The following PLCB1 variants were observed in gnomAD, a reference collection of about 807,000 sequenced individuals.
The protein encoded by PLCB1 is 1-phosphatidylinositol 4,5-bisphosphate phosphodiesterase beta-1.
Under a neutral mutation model 161.8 loss-of-function variants are expected in PLCB1, and 46 were observed. That is an observed-to-expected ratio of 0.28 (90% confidence interval 0.22 to 0.36). The LOEUF is 0.36. Ranked by LOEUF, PLCB1 falls within the 10% of genes least tolerant of loss-of-function variation. The pLI, the probability that PLCB1 is intolerant of heterozygous loss-of-function variation, is 1.00. For missense variants in PLCB1, 1,016 were observed against 1,472.5 expected, an observed-to-expected ratio of 0.69 and a Z score of 5.07; for synonymous variants, 517 against 503.7, an observed-to-expected ratio of 1.03 and a Z score of -0.35.
chr20:8,532,404 C>T (rs966104097), intron 3 of PLCB1, among the ~76,000 whole-genome samples: 7 of 152,164 alleles, frequency 4.6e-5, no homozygotes, highest in Non-Finnish European at 8.8e-5. Flanking sequence ...TTTATGCCAC[C>T]TGGCCTGCAT....
chr20:8,313,421 G>A (rs901649960), intron 2 of PLCB1, among the ~76,000 whole-genome samples: 1 of 152,092 alleles, frequency 6.6e-6, no homozygotes, highest in Non-Finnish European at 1.5e-5. Context: ...AAAGATGAGA[G>A]CAAGCAAGGC....
intron 3 of PLCB1, among the ~76,000 whole-genome samples, chr20:8,442,129 T>C (rs1372005678): frequency 6.6e-6 from 1 of 152,200 alleles, no homozygotes; most frequent in Non-Finnish European, 1.5e-5. Context: ...TTTTTCCTTA[T>C]TTTTATTTTG....
At chr20:8,317,478 T>A (rs1984710613) in intron 2 of PLCB1, among the ~76,000 whole-genome samples, 2 of 152,082 alleles carry the variant, frequency 1.3e-5, no homozygotes, top group African/African-American at 4.8e-5. Flanking sequence ...TGGCACAAGC[T>A]AGTACTCAGC....
chr20:8,603,045 G>T (rs1449066963), intron 3 of PLCB1, among the ~76,000 whole-genome samples: 1 of 152,106 alleles, frequency 6.6e-6, no homozygotes, highest in Non-Finnish European at 1.5e-5. Flanking sequence ...ACAGCAGGAT[G>T]ATTTGCATTA....
chr20:8,181,016 C>T (rs972050345), intron 2 of PLCB1, among the ~76,000 whole-genome samples: 16 of 150,604 alleles, frequency 1.1e-4, no homozygotes, highest in Non-Finnish European at 5.9e-5. Context: ...ATTGGGAGGC[C>T]GAGAGAGGCG....
chr20:8,680,568 T>C (rs1990187134), intron 9 of PLCB1, among the ~76,000 whole-genome samples: 1 of 152,182 alleles, frequency 6.6e-6, no homozygotes, highest in Non-Finnish European at 1.5e-5. Flanking sequence ...TGATCCCTGG[T>C]TCACAGTTAC....
chr20:8,481,757 A>C (rs975912248), intron 3 of PLCB1, among the ~76,000 whole-genome samples: 2 of 152,124 alleles, frequency 1.3e-5, no homozygotes, highest in African/African-American at 2.4e-5. Context: ...GCTGACCATC[A>C]TGGAGTAAGC....
At chr20:8,822,686 T>C (rs1007626597) in intron 31 of PLCB1, among the ~76,000 whole-genome samples, 12 of 152,192 alleles carry the variant, frequency 7.9e-5, no homozygotes, top group African/African-American at 1.2e-4. Flanking sequence ...GGTTAAACAA[T>C]AGTCCCTCAT....
intron 31 of PLCB1, among the ~76,000 whole-genome samples, chr20:8,796,460 T>C (rs956598881): frequency 1.3e-5 from 2 of 152,210 alleles, no homozygotes; most frequent in African/African-American, 4.8e-5. Context: ...TCTAATCTTT[T>C]GCGGCTTGAT....
At chr20:8,143,067 A>G (rs2051419981) in intron 1 of PLCB1, among the ~76,000 whole-genome samples, 1 of 152,172 alleles carries the variant, frequency 6.6e-6, no homozygotes, top group African/African-American at 2.4e-5. Flanking sequence ...CCCTCAGTTG[A>G]AGCTTTCCTA....
At chr20:8,155,175 T>C (rs2123040238) in intron 2 of PLCB1, among the ~76,000 whole-genome samples, 1 of 152,332 alleles carries the variant, frequency 6.6e-6, no homozygotes, top group African/African-American at 2.4e-5. Context: ...TTCATTCTTA[T>C]CTCATTTATT....
At chr20:8,376,720 A>G (rs921685257) in intron 3 of PLCB1, among the ~76,000 whole-genome samples, 3 of 152,100 alleles carry the variant, frequency 2.0e-5, no homozygotes, top group African/African-American at 7.2e-5. Context: ...CGAGGTCAGG[A>G]GATCGAGACC....
intron 3 of PLCB1, among the ~76,000 whole-genome samples, chr20:8,517,489 C>T (rs1042073842): frequency 8.5e-5 from 13 of 152,108 alleles, no homozygotes; most frequent in Admixed American, 7.9e-4. Context: ...ATATGATAAC[C>T]TCATAGCCCA....
At chr20:8,842,416 G>A (rs1376134826) in intron 31 of PLCB1, among the ~76,000 whole-genome samples, 1 of 152,114 alleles carries the variant, frequency 6.6e-6, no homozygotes, top group African/African-American at 2.4e-5. Flanking sequence ...GTGCTTCATG[G>A]CAATGCAAAA....
intron 2 of PLCB1, among the ~76,000 whole-genome samples, chr20:8,295,704 A>G (rs564263010): frequency 1.3e-5 from 2 of 151,980 alleles, no homozygotes; most frequent in South Asian, 4.2e-4. Context: ...CTCTATATAT[A>G]TATCCTCTTT....
At chr20:8,189,244 T>C (rs6055620) in intron 2 of PLCB1, among the ~76,000 whole-genome samples, 46,441 of 151,068 alleles carry the variant, frequency 0.31, 9,158 homozygotes, top group African/African-American at 0.56. Flanking sequence ...TATAGCTGCT[T>C]TTGCCATTGG....
At chr20:8,560,076 TTTA>T (rs1165987958) in intron 3 of PLCB1, among the ~76,000 whole-genome samples, 1 of 152,026 alleles carries the variant, frequency 6.6e-6, no homozygotes, top group Non-Finnish European at 1.5e-5. Flanking sequence ...CAAATTTTAG[TTTA>T]TATGAGAATC....
At chr20:8,868,393 A>G (rs762522251) in intron 31 of PLCB1, among the ~76,000 whole-genome samples, 1 of 152,214 alleles carries the variant, frequency 6.6e-6, no homozygotes, top group Admixed American at 6.5e-5. Flanking sequence ...ACCCTGGGCC[A>G]TGGGACCCCT....
intron 3 of PLCB1, among the ~76,000 whole-genome samples, chr20:8,445,516 A>C (rs1302521418): frequency 6.6e-6 from 1 of 151,536 alleles, no homozygotes; most frequent in Non-Finnish European, 1.5e-5. Flanking sequence ...CTTAGGATTG[A>C]CTTGGCAATG....
Sources: gnomAD v4.1 joint callset for allele counts (sites outside exome capture counted in the v4.1 genomes callset) on GRCh38, gnomAD v4.1.1 for gene constraint, MANE v1.5 for transcripts, NCBI Gene and HGNC (gene_info 2026-07-23, HGNC 2026-07-21) for gene names.